Variants in PMM1 observed in about 807,000 individuals in gnomAD.
PMM1 encodes the protein brain glucose-1,6-bisphosphatase.
PMM1 carries 25 observed loss-of-function variants against 34.0 expected under a neutral mutation model. That is an observed-to-expected ratio of 0.73 (90% CI 0.54 to 1.03). PMM1 has a LOEUF of 1.03. Among genes scored for constraint, PMM1 ranks in the 50% least tolerant of loss-of-function variants. The pLI is 0.00. For synonymous variants in PMM1, 134 were observed against 143.9 expected (o/e 0.93, Z 0.49); for missense variants, 321 against 350.1 (o/e 0.92, Z 0.66).
rs760965948 is a variant in PMM1 at position 41,584,381 on chromosome 22, G to A, written c.283-9C>T. ...AGGTGGTTCTGGATGGTCTGGCCAA[G>A]GAACACAGGGCTCTGAGCGTGGCCT... On this transcript the variant is annotated splice_polypyrimidine_tract_variant and intron_variant, in intron 3 of 7. Transcript: ENST00000216259. The A allele has an allele frequency of 6.2e-7, 1 of 1,613,390 alleles. No individual in the cohort carries two copies.
In PMM1 at chr22:41,581,113, C is replaced by CAA. The variant is rs933737603; in HGVS notation, c.475-2234_475-2233dup. On this transcript the variant is annotated intron_variant, in intron 5 of 7. Transcript: ENST00000216259. The stretch of plus-strand genomic sequence containing the variant: ...CTGGCGACAGAGTGAGACTCCATCT[C>CAA]AAAAAAAAAAAAAAAAAAAAAACCC... 6.3e-3 allele frequency among the ~76,000 whole-genome samples: 264 copies of CAA among 41,870 alleles called. 2 individuals carry two copies. The highest frequency in any genetic ancestry group is 0.031 in the Admixed American group (123 of 3,972). The allele number at this position is 41,870 out of a possible 152,430, so 27.5% of individuals were successfully genotyped here. A position where few individuals can be genotyped will look rare whatever the true frequency, so the allele number is the denominator to read the frequency against.
intron 1 of PMM1, among the ~76,000 whole-genome samples, chr22:41,587,187 G>A (rs970733061): frequency 4.0e-5 from 6 of 148,656 alleles, no homozygotes; most frequent in Middle Eastern, 3.6e-3. Context: ...GGAGAATGGC[G>A]TGAACTTGGG....
chr22:41,587,253 G>C (rs2067319479), intron 1 of PMM1, among the ~76,000 whole-genome samples: 1 of 146,528 alleles, frequency 6.8e-6, no homozygotes, highest in Non-Finnish European at 1.5e-5. Context: ...CTGGGCGACA[G>C]AGCGAGACTC....
intron 1 of PMM1, among the ~76,000 whole-genome samples, chr22:41,587,389 G>A (rs1255307176): frequency 1.3e-5 from 2 of 149,512 alleles, no homozygotes; most frequent in African/African-American, 2.5e-5. Flanking sequence ...GCAGTGAACC[G>A]AGATCATGCC....
intron 4 of PMM1, 30 bp from the exon 5 acceptor site, chr22:41,584,088 G>T (rs1250132325): frequency 1.3e-6 from 2 of 1,550,062 alleles, no homozygotes; most frequent in African/African-American, 2.7e-5. Flanking sequence ...GGGAGCCAGA[G>T]AGAACCAGAA....
chr22:41,577,767 G>A, intron 7 of PMM1, 41 bp downstream of exon 7: 1 of 1,472,382 alleles, frequency 6.8e-7, no homozygotes, highest in Non-Finnish European at 9.5e-7. Flanking sequence ...GCTTCTCACT[G>A]TCCACTGCGT....
intron 2 of PMM1, among the ~76,000 whole-genome samples, chr22:41,585,622 G>C (rs2067299208): frequency 6.6e-6 from 1 of 152,060 alleles, no homozygotes; most frequent in African/African-American, 2.4e-5. Context: ...CTCCCGAGTA[G>C]CTGGGATTAC....
intron 1 of PMM1, among the ~76,000 whole-genome samples, chr22:41,587,350 G>T (rs1166983235): frequency 6.6e-6 from 1 of 150,658 alleles, no homozygotes; most frequent in East Asian, 2.0e-4. Context: ...TGAGGCAGGA[G>T]AATCCCTTGA....
At chr22:41,583,478 C>CT (rs927316278) in intron 5 of PMM1, among the ~76,000 whole-genome samples, 5 of 151,938 alleles carry the variant, frequency 3.3e-5, no homozygotes, top group African/African-American at 1.2e-4. Context: ...TTTGGAGACT[C>CT]TATCTCCAAA....
intron 1 of PMM1, chr22:41,589,023 G>A (rs2067346380): frequency 1.6e-6 from 2 of 1,233,848 alleles, no homozygotes; most frequent in Admixed American, 2.3e-5. Context: ...AACACAGCGA[G>A]AGTCTTTAGA....
intron 2 of PMM1, chr22:41,585,013 C>G (rs1429815553): frequency 6.3e-6 from 1 of 157,494 alleles, no homozygotes; most frequent in African/African-American, 2.4e-5. Context: ...ACTGGGTTCT[C>G]AAGGCTGGCT....
At chr22:41,580,807 CT>C (rs2067237245) in intron 5 of PMM1, 1 of 152,190 alleles carries the variant, frequency 6.6e-6, no homozygotes, top group African/African-American at 2.4e-5. Flanking sequence ...TGGCAAAACC[CT>C]GTCCCTACTA....
chr22:41,588,852 G>A (rs2067344546), intron 1 of PMM1: 1 of 985,324 alleles, frequency 1.0e-6, no homozygotes, highest in Non-Finnish European at 1.2e-6. Context: ...TAGGAGACCT[G>A]TTGGTTGGTC....
At chr22:41,589,360 T>C in intron 1 of PMM1, 1 of 439,726 alleles carries the variant, frequency 2.3e-6, no homozygotes, top group East Asian at 5.0e-5. Flanking sequence ...AGGGCTGAAC[T>C]AGGGTGGGAT....
chr22:41,584,444 C>T, intron 3 of PMM1, 72 bp from the exon 4 acceptor site: 1 of 1,573,306 alleles, frequency 6.4e-7, no homozygotes, highest in African/African-American at 1.3e-5. Flanking sequence ...GTGTCTCTCC[C>T]CCAGCCCAGG....
chr22:41,581,479 A>C (rs1479575218), intron 5 of PMM1, among the ~76,000 whole-genome samples: 1 of 152,188 alleles, frequency 6.6e-6, no homozygotes, highest in African/African-American at 2.4e-5. Context: ...CCAACTCCCT[A>C]TGTGACCTCG....
intron 1 of PMM1, chr22:41,589,208 AC>A: frequency 1.0e-6 from 1 of 953,564 alleles, no homozygotes; most frequent in South Asian, 1.4e-5. Context: ...CAGAAACTAG[AC>A]CCAGTCCCAG....
At chr22:41,577,747 A>C (rs932258985) in intron 7 of PMM1, 61 bp downstream of exon 7, 1 of 1,309,624 alleles carries the variant, frequency 7.6e-7, no homozygotes, top group African/African-American at 1.4e-5. Context: ...TGGAGAAGCC[A>C]CCAGACCTGG....
intron 1 of PMM1, chr22:41,589,283 G>A: frequency 2.2e-6 from 1 of 465,012 alleles, no homozygotes; most frequent in Admixed American, 2.5e-5. Flanking sequence ...GATGACTGAC[G>A]CTTGGCTGTG....
Sources: gnomAD v4.1 joint callset for allele counts (sites outside exome capture counted in the v4.1 genomes callset) on GRCh38, gnomAD v4.1.1 for gene constraint, MANE v1.5 for transcripts, NCBI Gene and HGNC (gene_info 2026-07-23, HGNC 2026-07-21) for gene names.